Variants in NFIB observed in about 807,000 individuals in gnomAD.
NFIB encodes nuclear factor 1 B-type.
A neutral mutation model predicts 61.5 loss-of-function variants in NFIB; 11 were observed. That is an observed-to-expected ratio of 0.18 (90% CI 0.11 to 0.30). The LOEUF (loss-of-function observed/expected upper bound fraction) is 0.30. Ranked by LOEUF, NFIB falls within the 10% of genes least tolerant of loss-of-function variation. NFIB has a pLI of 1.00. For synonymous variants in NFIB, 260 were observed against 216.5 expected, an observed-to-expected ratio of 1.20 and a Z score of -1.76; for missense variants, 471 against 608.9, an observed-to-expected ratio of 0.77 and a Z score of 2.38.
the NFIB span, among the ~76,000 whole-genome samples, chr9:14,456,187 G>T: frequency 2.3e-4 from 34 of 148,006 alleles, no homozygotes; most frequent in African/African-American, 6.7e-4. Context: ...AGTTACAAAA[G>T]TACCTGGAGT....
chr9:14,411,567 C>T, the NFIB span, among the ~76,000 whole-genome samples: 4 of 152,280 alleles, frequency 2.6e-5, no homozygotes, highest in East Asian at 7.7e-4. Context: ...AGAGAAACCA[C>T]CCCTTGTTAG....
intron 1 of NFIB, among the ~76,000 whole-genome samples, chr9:14,375,959 C>G (rs993883427): frequency 1.3e-5 from 2 of 152,218 alleles, no homozygotes; most frequent in African/African-American, 4.8e-5. Context: ...AGCTTGAGAA[C>G]CCAGTCTGCT....
At chr9:14,240,154 C>T (rs2054201438) in intron 2 of NFIB, among the ~76,000 whole-genome samples, 1 of 151,992 alleles carries the variant, frequency 6.6e-6, no homozygotes, top group Non-Finnish European at 1.5e-5. Flanking sequence ...TCCTGTGTAG[C>T]CTATGGAAAC....
intron 2 of NFIB, among the ~76,000 whole-genome samples, chr9:14,188,553 A>G: frequency 6.6e-6 from 1 of 152,224 alleles, no homozygotes; most frequent in East Asian, 1.9e-4. Flanking sequence ...GAAGCAAAAC[A>G]TTTCCAGCTG....
chr9:14,145,032 TA>T (rs2042133865), intron 6 of NFIB, among the ~76,000 whole-genome samples: 1 of 152,120 alleles, frequency 6.6e-6, no homozygotes, highest in Non-Finnish European at 1.5e-5. Context: ...AAAATGCTGT[TA>T]TTTACATTTT....
At chr9:14,375,085 A>T (rs975114117) in intron 1 of NFIB, among the ~76,000 whole-genome samples, 1 of 152,188 alleles carries the variant, frequency 6.6e-6, no homozygotes, top group Non-Finnish European at 1.5e-5. Context: ...TTTGTATTTA[A>T]CTGGCAGTAA....
At chr9:14,221,079 A>G (rs1213100040) in intron 2 of NFIB, among the ~76,000 whole-genome samples, 1 of 152,156 alleles carries the variant, frequency 6.6e-6, no homozygotes, top group Non-Finnish European at 1.5e-5. Flanking sequence ...TTGACATACC[A>G]GGAGTCTCTG....
At chr9:14,390,246 GGCA>G in intron 1 of NFIB, among the ~76,000 whole-genome samples, 1 of 152,206 alleles carries the variant, frequency 6.6e-6, no homozygotes, top group Non-Finnish European at 1.5e-5. Context: ...AGTTTTCTAA[GGCA>G]TGACCTTGGG....
the NFIB span, among the ~76,000 whole-genome samples, chr9:14,486,183 A>C: frequency 2.6e-5 from 4 of 152,194 alleles, no homozygotes; most frequent in African/African-American, 7.2e-5. Flanking sequence ...CCTAGAAATA[A>C]GAAGAATATT....
At chr9:14,143,099 T>A (rs937288546) in intron 6 of NFIB, among the ~76,000 whole-genome samples, 7 of 152,110 alleles carry the variant, frequency 4.6e-5, no homozygotes, top group African/African-American at 1.7e-4. Flanking sequence ...TAAATTATGG[T>A]TAGTTTTAAA....
At chr9:14,305,748 T>G (rs2059984953) in intron 2 of NFIB, 1 of 268,984 alleles carries the variant, frequency 3.7e-6, no homozygotes, top group Non-Finnish European at 7.0e-6. Context: ...AAAAAGTAAT[T>G]TTGATTTTTT....
chr9:14,289,375 T>G, intron 2 of NFIB, among the ~76,000 whole-genome samples: 1 of 151,530 alleles, frequency 6.6e-6, no homozygotes, highest in East Asian at 1.9e-4. Flanking sequence ...AAATAACACC[T>G]GATCACTGTC....
At chr9:14,353,256 G>T (rs1311179387) in intron 1 of NFIB, among the ~76,000 whole-genome samples, 1 of 152,098 alleles carries the variant, frequency 6.6e-6, no homozygotes, top group Non-Finnish European at 1.5e-5. Context: ...ATTTGTGATT[G>T]TTTTTGTGCG....
At chr9:14,404,987 C>A in the NFIB span, among the ~76,000 whole-genome samples, 1 of 152,200 alleles carries the variant, frequency 6.6e-6, no homozygotes, top group Non-Finnish European at 1.5e-5. Flanking sequence ...ATTTTCCTTT[C>A]CTGCTGGGCA....
At chr9:14,324,991 G>C (rs1333679866) in intron 1 of NFIB, among the ~76,000 whole-genome samples, 1 of 151,932 alleles carries the variant, frequency 6.6e-6, no homozygotes, top group African/African-American at 2.4e-5. Flanking sequence ...AATAGTTATG[G>C]TCTTTTAATC....
intron 3 of NFIB, among the ~76,000 whole-genome samples, chr9:14,172,073 A>T (rs2045624454): frequency 6.6e-6 from 1 of 152,208 alleles, no homozygotes; most frequent in African/African-American, 2.4e-5. Flanking sequence ...ATAAATATTC[A>T]GGAATATGGA....
intron 2 of NFIB, among the ~76,000 whole-genome samples, chr9:14,274,791 C>A (rs555236948): frequency 1.6e-4 from 25 of 152,170 alleles, no homozygotes; most frequent in Non-Finnish European, 3.4e-4. Context: ...TTGGGGCCTA[C>A]TGTGCTCTGA....
At chr9:14,259,140 A>G (rs1287168005) in intron 2 of NFIB, among the ~76,000 whole-genome samples, 2 of 152,224 alleles carry the variant, frequency 1.3e-5, no homozygotes, top group Non-Finnish European at 2.9e-5. Context: ...CAACATTCAC[A>G]TCTCATTCAT....
the NFIB span, among the ~76,000 whole-genome samples, chr9:14,407,673 CA>C: frequency 6.6e-6 from 1 of 151,664 alleles, no homozygotes; most frequent in African/African-American, 2.4e-5. Context: ...TTGTCTGCAC[CA>C]AAAAAAATTT....
Sources: gnomAD v4.1 joint callset for allele counts (sites outside exome capture counted in the v4.1 genomes callset) on GRCh38, gnomAD v4.1.1 for gene constraint, MANE v1.5 for transcripts, NCBI Gene and HGNC (gene_info 2026-07-23, HGNC 2026-07-21) for gene names.